The following CLSTN2 variants were observed in gnomAD, a reference collection of about 807,000 sequenced individuals.
CLSTN2 encodes the protein calsyntenin-2.
CLSTN2 carries 48 observed loss-of-function variants against 101.2 expected under a neutral mutation model. The ratio of observed to expected loss-of-function variants is 0.47; its 90% confidence interval spans 0.38 to 0.60. The LOEUF is 0.60. Among genes scored for constraint, CLSTN2 ranks in the 20% least tolerant of loss-of-function variants. CLSTN2 has a pLI of 0.00. For synonymous variants in CLSTN2, 481 were observed against 463.6 expected (o/e 1.04, Z -0.48); for missense variants, 1,160 against 1,238.2 (o/e 0.94, Z 0.95).
chr3:140,469,745 G>A (rs146785464), intron 8 of CLSTN2, among the ~76,000 whole-genome samples: 7 of 152,260 alleles, frequency 4.6e-5, no homozygotes, highest in Admixed American at 1.3e-4. Flanking sequence ...CATGGTTGGC[G>A]CCTAGTAAAT....
intron 2 of CLSTN2, among the ~76,000 whole-genome samples, chr3:140,380,768 C>A (rs769729101): frequency 6.6e-6 from 1 of 152,198 alleles, no homozygotes; most frequent in Non-Finnish European, 1.5e-5. Context: ...GACCGTGATA[C>A]AGGGGGATTA....
chr3:140,128,504 G>A (rs952423793), intron 1 of CLSTN2, among the ~76,000 whole-genome samples: 3 of 152,202 alleles, frequency 2.0e-5, no homozygotes, highest in Admixed American at 6.5e-5. Context: ...ACAAGGGGTA[G>A]TGTGATAGTC....
chr3:140,216,063 G>A (rs573706418), intron 2 of CLSTN2, among the ~76,000 whole-genome samples: 2 of 152,254 alleles, frequency 1.3e-5, no homozygotes, highest in Non-Finnish European at 2.9e-5. Flanking sequence ...TCGCCTGAGC[G>A]CCACTTCCTG....
At chr3:140,243,398 G>A (rs756395648) in intron 2 of CLSTN2, among the ~76,000 whole-genome samples, 6 of 152,234 alleles carry the variant, frequency 3.9e-5, no homozygotes, top group Non-Finnish European at 8.8e-5. Flanking sequence ...CTTTATAAAG[G>A]GGTCTTGGTG....
intron 8 of CLSTN2, among the ~76,000 whole-genome samples, chr3:140,469,607 C>T (rs917873847): frequency 6.6e-6 from 1 of 152,220 alleles, no homozygotes; most frequent in Non-Finnish European, 1.5e-5. Flanking sequence ...AGAACTCCAT[C>T]CCCATTCCTA....
At chr3:140,013,320 G>T (rs1321306554) in intron 1 of CLSTN2, among the ~76,000 whole-genome samples, 1 of 152,248 alleles carries the variant, frequency 6.6e-6, no homozygotes, top group Non-Finnish European at 1.5e-5. Context: ...AGGGCTGGGG[G>T]TGAAGTCTGC....
intron 8 of CLSTN2, among the ~76,000 whole-genome samples, chr3:140,494,027 G>T (rs1041924541): frequency 6.6e-6 from 1 of 152,006 alleles, no homozygotes; most frequent in African/African-American, 2.4e-5. Flanking sequence ...TTTCTATCTG[G>T]ACTCCATACA....
intron 8 of CLSTN2, among the ~76,000 whole-genome samples, chr3:140,469,458 C>A (rs1461716558): frequency 2.0e-5 from 3 of 152,080 alleles, no homozygotes; most frequent in Non-Finnish European, 2.9e-5. Context: ...GTAGACAGAA[C>A]CTTGCCAGAA....
At chr3:140,396,132 C>T (rs1415440980) in intron 2 of CLSTN2, among the ~76,000 whole-genome samples, 1 of 152,160 alleles carries the variant, frequency 6.6e-6, no homozygotes. Context: ...TTGACTCTTG[C>T]CCAGTGAATG....
chr3:139,978,226 G>A (rs531363451), intron 1 of CLSTN2, among the ~76,000 whole-genome samples: 1 of 152,348 alleles, frequency 6.6e-6, no homozygotes, highest in South Asian at 2.1e-4. Context: ...CAGGCACCCT[G>A]TTAGACCTTT....
At chr3:140,447,827 A>T (rs1933122364) in intron 5 of CLSTN2, among the ~76,000 whole-genome samples, 1 of 152,238 alleles carries the variant, frequency 6.6e-6, no homozygotes, top group Non-Finnish European at 1.5e-5. Context: ...AGAAAGAGAA[A>T]ACATTAGCAC....
chr3:140,463,116 T>G (rs773770242), intron 7 of CLSTN2, among the ~76,000 whole-genome samples: 11 of 152,138 alleles, frequency 7.2e-5, no homozygotes, highest in Non-Finnish European at 1.5e-4. Context: ...TCTCCATTCC[T>G]CCCATGAACA....
At chr3:140,131,159 TA>T (rs532282886) in intron 1 of CLSTN2, among the ~76,000 whole-genome samples, 2,045 of 148,086 alleles carry the variant, frequency 0.014, 27 homozygotes, top group African/African-American at 0.032. Flanking sequence ...TTTAGTGTAT[TA>T]AAAAAAAAAA....
intron 1 of CLSTN2, among the ~76,000 whole-genome samples, chr3:140,045,164 C>CT (rs1560078136): frequency 6.6e-6 from 1 of 152,018 alleles, no homozygotes; most frequent in African/African-American, 2.4e-5. Context: ...TGGTCCTGGA[C>CT]TTTTTTTGGT....
chr3:140,475,596 T>C (rs1933965833), intron 8 of CLSTN2, among the ~76,000 whole-genome samples: 1 of 152,236 alleles, frequency 6.6e-6, no homozygotes, highest in Non-Finnish European at 1.5e-5. Flanking sequence ...CTTCCCCTGC[T>C]TTCTCATCCT....
intron 2 of CLSTN2, among the ~76,000 whole-genome samples, chr3:140,303,450 AG>A (rs776808333): frequency 1.8e-4 from 28 of 152,188 alleles, no homozygotes; most frequent in Non-Finnish European, 4.1e-4. Context: ...CAGGTCATTT[AG>A]CTTCTCTCAC....
chr3:140,257,562 GTGTGTGTGTGT>G (rs1559821191), intron 2 of CLSTN2, among the ~76,000 whole-genome samples: 869 of 61,826 alleles, frequency 0.014, 13 homozygotes, highest in African/African-American at 0.027. Context: ...CTTTCTAGGG[GTGTGTGTGTGT>G]GTGTGTGTGT....
At position 140,530,701 on chromosome 3, in the gene CLSTN2, C is replaced by T. The variant is rs568857607; in HGVS notation, c.1345-1623C>T. On this transcript the variant is annotated intron_variant, in intron 8 of 16. Coordinates refer to ENST00000458420, the MANE Select transcript of CLSTN2 (RefSeq NM_022131.3). ...CCAGTCACACAGAGAGGATGGTCAC[C>T]GTGAGGGCAGTGATGGAGGCCAGGA... 5.9e-5 allele frequency among the ~76,000 whole-genome samples: 9 copies of T among 152,286 alleles called. No individual in the cohort carries two copies. In the South Asian group the frequency reaches 1.9e-3, roughly 32 times the overall value.
chr3:139,936,181 G>A (rs929327535), intron 1 of CLSTN2, among the ~76,000 whole-genome samples: 6 of 152,190 alleles, frequency 3.9e-5, no homozygotes, highest in Non-Finnish European at 4.4e-5. Flanking sequence ...CCTCCCGCCC[G>A]GAAGGAAGCT....
Sources: gnomAD v4.1 joint callset for allele counts (sites outside exome capture counted in the v4.1 genomes callset) on GRCh38, gnomAD v4.1.1 for gene constraint, MANE v1.5 for transcripts, NCBI Gene and HGNC (gene_info 2026-07-23, HGNC 2026-07-21) for gene names.